Variants in ST7 observed in about 807,000 individuals in gnomAD.
ST7 encodes suppression of tumorigenicity 7.
ST7 carries 28 observed loss-of-function variants against 78.7 expected under a neutral mutation model. The observed-to-expected ratio is 0.36, with a 90% CI of 0.26 to 0.49. The LOEUF (loss-of-function observed/expected upper bound fraction) is 0.49, where lower values mean the gene tolerates loss of function less well. Ranked by LOEUF, ST7 falls within the 20% of genes least tolerant of loss-of-function variation. The pLI, the probability that ST7 is intolerant of heterozygous loss-of-function variation, is 0.99. For missense variants in ST7, 418 were observed against 696.0 expected (o/e 0.60, Z 4.49); for synonymous variants, 247 against 249.6 (o/e 0.99, Z 0.10).
At chr7:117,144,485 A>G (rs1407172903) in intron 9 of ST7, among the ~76,000 whole-genome samples, 2 of 150,990 alleles carry the variant, frequency 1.3e-5, no homozygotes, top group African/African-American at 4.9e-5. Context: ...AAAAAAAATT[A>G]GTTGGGCATG....
At chr7:117,114,852 T>C (rs1360768524) in intron 2 of ST7, among the ~76,000 whole-genome samples, 2 of 152,200 alleles carry the variant, frequency 1.3e-5, no homozygotes, top group African/African-American at 4.8e-5. Flanking sequence ...AGGCCTTGTT[T>C]ATTGTTCCTT....
At chr7:116,963,779 C>T (rs954837085) in intron 1 of ST7, among the ~76,000 whole-genome samples, 3 of 152,096 alleles carry the variant, frequency 2.0e-5, no homozygotes, top group African/African-American at 2.4e-5. Context: ...ACTACAGGTG[C>T]ATGCCACCAT....
At chr7:117,096,111 T>G (rs1801024340) in intron 1 of ST7, among the ~76,000 whole-genome samples, 1 of 134,180 alleles carries the variant, frequency 7.5e-6, no homozygotes, top group South Asian at 2.5e-4. Context: ...ATATCAGGAA[T>G]ATCCATTTTA....
intron 1 of ST7, among the ~76,000 whole-genome samples, chr7:116,961,630 T>A (rs1792834199): frequency 6.6e-6 from 1 of 151,566 alleles, no homozygotes; most frequent in African/African-American, 2.4e-5. Flanking sequence ...GCATTCCTGG[T>A]TTGGCTCTTG....
chr7:116,985,125 T>C (rs1307387774), intron 1 of ST7, among the ~76,000 whole-genome samples: 1 of 152,192 alleles, frequency 6.6e-6, no homozygotes, highest in Admixed American at 6.5e-5. Context: ...TTGATACTCA[T>C]GTTCACCTTG....
chr7:117,019,643 T>G (rs934489011), intron 1 of ST7, among the ~76,000 whole-genome samples: 7 of 152,228 alleles, frequency 4.6e-5, no homozygotes, highest in African/African-American at 1.7e-4. Flanking sequence ...AAATAGCTAG[T>G]AATGGAATTG....
At chr7:117,201,560 G>GT (rs34393006) in intron 12 of ST7, among the ~76,000 whole-genome samples, 17,980 of 144,598 alleles carry the variant, frequency 0.12, 3,450 homozygotes, top group African/African-American at 0.41. Flanking sequence ...TTTGTGTGTG[G>GT]TTTTTTTTTT....
At chr7:117,090,520 C>T (rs1296090812) in intron 1 of ST7, among the ~76,000 whole-genome samples, 1 of 152,060 alleles carries the variant, frequency 6.6e-6, no homozygotes, top group Non-Finnish European at 1.5e-5. Context: ...AAGAGGTTCC[C>T]AGAGCCTGGA....
chr7:117,154,154 G>A (rs1317154322), intron 9 of ST7, among the ~76,000 whole-genome samples: 1 of 152,146 alleles, frequency 6.6e-6, no homozygotes, highest in Non-Finnish European at 1.5e-5. Context: ...TGCCGTTTGG[G>A]AGCTAATTAG....
chr7:117,087,691 C>T (rs1800266546), intron 1 of ST7, among the ~76,000 whole-genome samples: 2 of 152,192 alleles, frequency 1.3e-5, no homozygotes, highest in Admixed American at 1.3e-4. Context: ...GAGCTGGCTG[C>T]CTTAATTTCC....
intron 12 of ST7, among the ~76,000 whole-genome samples, chr7:117,201,192 G>A (rs926879499): frequency 1.3e-5 from 2 of 152,068 alleles, no homozygotes; most frequent in Non-Finnish European, 1.5e-5. Flanking sequence ...ATATTATTTC[G>A]ATATAAGTTT....
intron 3 of ST7, among the ~76,000 whole-genome samples, chr7:117,126,831 G>A (rs915845497): frequency 1.3e-5 from 2 of 151,850 alleles, no homozygotes; most frequent in Non-Finnish European, 2.9e-5. Context: ...AGCTTGTAAT[G>A]ATCTCATTAT....
intron 3 of ST7, 114 bp from the exon 4 acceptor site, chr7:117,129,679 G>A: frequency 1.2e-6 from 1 of 811,422 alleles, no homozygotes; most frequent in East Asian, 2.7e-5. Context: ...CCCATGTAAA[G>A]GGTAGTGAAT....
chr7:117,176,910 A>G (rs926477531), intron 10 of ST7, among the ~76,000 whole-genome samples: 16 of 152,248 alleles, frequency 1.1e-4, no homozygotes, highest in Non-Finnish European at 1.8e-4. Flanking sequence ...TTCTAGTGAC[A>G]GACTATAAAC....
intron 1 of ST7, among the ~76,000 whole-genome samples, chr7:117,035,144 A>G (rs1211363600): frequency 7.2e-6 from 1 of 139,494 alleles, no homozygotes; most frequent in African/African-American, 2.7e-5. Flanking sequence ...TTTTTTTTAA[A>G]GATATAAAAT....
chr7:117,018,215 C>T (rs1021370874), intron 1 of ST7, among the ~76,000 whole-genome samples: 1 of 152,186 alleles, frequency 6.6e-6, no homozygotes, highest in African/African-American at 2.4e-5. Flanking sequence ...CTGACGGCCA[C>T]ATCCATCCAC....
At chr7:117,175,719 G>A (rs1474895886) in intron 10 of ST7, among the ~76,000 whole-genome samples, 2 of 152,192 alleles carry the variant, frequency 1.3e-5, no homozygotes, top group East Asian at 1.9e-4. Flanking sequence ...TTGTTGTGAG[G>A]ATTAAAGTAG....
intron 2 of ST7, among the ~76,000 whole-genome samples, chr7:117,111,724 T>C (rs957794579): frequency 6.6e-6 from 1 of 152,160 alleles, no homozygotes. Flanking sequence ...TCCAGTTCCA[T>C]CCACAAGAAC....
intron 10 of ST7, among the ~76,000 whole-genome samples, chr7:117,183,104 G>T (rs190678897): frequency 3.4e-4 from 47 of 138,516 alleles, no homozygotes; most frequent in Middle Eastern, 3.5e-3. Context: ...AGGTTTTTTT[G>T]TTTGTTTGTT....
Sources: gnomAD v4.1 joint callset for allele counts (sites outside exome capture counted in the v4.1 genomes callset) on GRCh38, gnomAD v4.1.1 for gene constraint, MANE v1.5 for transcripts, NCBI Gene and HGNC (gene_info 2026-07-23, HGNC 2026-07-21) for gene names.